KCNQ5: variants seen among roughly 807,000 people sequenced by gnomAD.
KCNQ5 encodes the protein potassium voltage-gated channel subfamily KQT member 5.
Under a neutral mutation model 98.2 loss-of-function variants are expected in KCNQ5, and 30 were observed. The ratio of observed to expected loss-of-function variants is 0.31; its 90% CI spans 0.23 to 0.41. The LOEUF is 0.41. Among genes scored for constraint, KCNQ5 ranks in the 10% least tolerant of loss-of-function variants. KCNQ5 has a pLI of 1.00. For synonymous variants in KCNQ5, 458 were observed against 449.4 expected (o/e 1.02, Z -0.24); for missense variants, 835 against 1,182.5 (o/e 0.71, Z 4.31).
intron 3 of KCNQ5, among the ~76,000 whole-genome samples, chr6:73,045,741 C>G (rs1161431603): frequency 6.6e-6 from 1 of 152,142 alleles, no homozygotes; most frequent in Non-Finnish European, 1.5e-5. Context: ...CAATAATGAG[C>G]CTGATGTGTC....
intron 1 of KCNQ5, among the ~76,000 whole-genome samples, chr6:72,710,441 A>C (rs1769308595): frequency 6.6e-6 from 1 of 152,244 alleles, no homozygotes; most frequent in Admixed American, 6.5e-5. Context: ...TGCTGCCTAC[A>C]AGAGACTAAT....
intron 1 of KCNQ5, among the ~76,000 whole-genome samples, chr6:72,946,972 C>T (rs1222822565): frequency 6.6e-6 from 1 of 152,180 alleles, no homozygotes; most frequent in Non-Finnish European, 1.5e-5. Flanking sequence ...TCCAGTCTGG[C>T]AGTCTCACAA....
At chr6:73,192,781 T>C in intron 13 of KCNQ5, 90 bp downstream of exon 13, 1 of 1,125,372 alleles carries the variant, frequency 8.9e-7, no homozygotes, top group Non-Finnish European at 1.2e-6. Flanking sequence ...CAGTGATTAT[T>C]TTAAAATAAA....
intron 1 of KCNQ5, among the ~76,000 whole-genome samples, chr6:72,831,538 T>C (rs1582376371): frequency 7.3e-6 from 1 of 136,830 alleles, no homozygotes; most frequent in Non-Finnish European, 1.5e-5. Context: ...ATGAGAACAC[T>C]TGGACACAGG....
intron 1 of KCNQ5, chr6:72,987,777 T>C (rs1196144840): frequency 2.3e-6 from 1 of 438,104 alleles, no homozygotes; most frequent in Non-Finnish European, 4.3e-6. Flanking sequence ...CCCTCAAAAC[T>C]GCCACAATTG....
At chr6:72,778,638 A>G (rs1582272065) in intron 1 of KCNQ5, among the ~76,000 whole-genome samples, 1 of 152,306 alleles carries the variant, frequency 6.6e-6, no homozygotes, top group East Asian at 1.9e-4. Context: ...GTGAGATGAT[A>G]GATATGTTAA....
intron 1 of KCNQ5, among the ~76,000 whole-genome samples, chr6:72,831,365 G>A (rs1776258659): frequency 1.3e-5 from 2 of 152,158 alleles, no homozygotes; most frequent in Non-Finnish European, 1.5e-5. Flanking sequence ...TTAAGAAAAT[G>A]TAGCACATAT....
At chr6:72,814,356 T>G (rs1436383568) in intron 1 of KCNQ5, among the ~76,000 whole-genome samples, 1 of 152,152 alleles carries the variant, frequency 6.6e-6, no homozygotes, top group Non-Finnish European at 1.5e-5. Flanking sequence ...TGTGTAACCT[T>G]AGGGAGATTA....
At chr6:72,926,442 T>C (rs1463880658) in intron 1 of KCNQ5, among the ~76,000 whole-genome samples, 4 of 152,168 alleles carry the variant, frequency 2.6e-5, no homozygotes, top group Admixed American at 2.6e-4. Context: ...GTTGGTGTAC[T>C]TTTTAACTAT....
chr6:73,176,582 G>A (rs7756501), intron 11 of KCNQ5, among the ~76,000 whole-genome samples: 64,994 of 152,070 alleles, frequency 0.43, 15,933 homozygotes, highest in East Asian at 0.67. Flanking sequence ...AATGTATTGG[G>A]AAGAGAGAAC....
At chr6:73,120,258 TAATAAAATAA>T (rs780114455) in intron 7 of KCNQ5, among the ~76,000 whole-genome samples, 1 of 151,668 alleles carries the variant, frequency 6.6e-6, no homozygotes, top group Non-Finnish European at 1.5e-5. Context: ...AATAAATAAA[TAATAAAATAA>T]AATAAAATAA....
Position 72,939,225 on chromosome 6 carries a change from G to A in KCNQ5, c.399-64683G>A, listed in dbSNP as rs553481710. The stretch of plus-strand genomic sequence containing the variant: ...TTGATTGCTTGAACCCAGTCCCTCA[G>A]GGACACTAGCTGGCAGGGCTCCCGG... On this transcript the variant is annotated intron_variant, in intron 1 of 13. Coordinates refer to ENST00000370398, the MANE Select transcript of KCNQ5 (RefSeq NM_019842.4). Among the ~76,000 whole-genome samples, 217 of 152,262 alleles carry A rather than the reference G, an allele frequency of 1.4e-3. 1 individual carries two copies. The highest frequency in any genetic ancestry group is 5.0e-3 in the African/African-American group (209 of 41,542).
intron 7 of KCNQ5, among the ~76,000 whole-genome samples, chr6:73,112,453 C>G (rs546525018): frequency 6.6e-6 from 1 of 151,852 alleles, no homozygotes; most frequent in Admixed American, 6.6e-5. Flanking sequence ...TCACGCCATT[C>G]TCCTGCCTCA....
chr6:73,105,397 T>C lies in KCNQ5; in HGVS notation c.1029+30T>C, dbSNP rs77753084. ...GTATCTTTGCACCAATAAAGCAGTTTAAATTAGATCTTAGAGACTTATTAG... is the reference window on the plus strand; with the variant it reads ...GTATCTTTGCACCAATAAAGCAGTTCAAATTAGATCTTAGAGACTTATTAG... On this transcript the variant is annotated intron_variant, in intron 6 of 13. Coordinates refer to ENST00000370398, the MANE Select transcript of KCNQ5 (RefSeq NM_019842.4). 3.6e-5 allele frequency: 51 copies of C among 1,399,022 alleles called. No homozygotes were observed. The East Asian group carries it at 1.1e-3, about 30-fold the overall frequency. The allele number at this position is 1,399,022 out of a possible 1,614,324, so 86.7% of individuals were successfully genotyped here.
At chr6:72,722,243 A>AC (rs1770007906) in intron 1 of KCNQ5, among the ~76,000 whole-genome samples, 1 of 152,194 alleles carries the variant, frequency 6.6e-6, no homozygotes, top group Non-Finnish European at 1.5e-5. Context: ...AATACAAGGC[A>AC]TACTGTCCCT....
At chr6:73,150,830 A>ATG (rs199982654) in intron 10 of KCNQ5, among the ~76,000 whole-genome samples, 8,244 of 72,700 alleles carry the variant, frequency 0.11, 678 homozygotes, top group African/African-American at 0.21. Flanking sequence ...GTATATATAT[A>ATG]TATGTGTGTG....
chr6:72,709,752 C>T (rs533557849), intron 1 of KCNQ5, among the ~76,000 whole-genome samples: 2 of 152,060 alleles, frequency 1.3e-5, no homozygotes, highest in Admixed American at 6.6e-5. Flanking sequence ...ACAGAGATTA[C>T]CCTCTGGTGG....
chr6:72,672,118 A>ATT (rs1186332695), intron 1 of KCNQ5, among the ~76,000 whole-genome samples: 19 of 121,498 alleles, frequency 1.6e-4, no homozygotes, highest in Non-Finnish European at 2.8e-4. Flanking sequence ...GCCTGGCCTA[A>ATT]TTTTTTTTTT....
chr6:72,983,613 C>T (rs1041719519), intron 1 of KCNQ5, among the ~76,000 whole-genome samples: 11 of 152,106 alleles, frequency 7.2e-5, no homozygotes, highest in African/African-American at 2.2e-4. Context: ...GTGATGGGCT[C>T]GAACATCCTC....
Sources: allele counts gnomAD v4.1 joint callset (sites outside exome capture counted in the v4.1 genomes callset), GRCh38; gene constraint gnomAD v4.1.1; transcripts MANE v1.5; gene names NCBI Gene and HGNC (gene_info 2026-07-23, HGNC 2026-07-21).